The following ERCC6L2 variants were observed in gnomAD, a reference collection of about 807,000 sequenced individuals.
ERCC6L2 encodes ERCC excision repair 6 like 2, also known as DNA excision repair protein ERCC-6-like 2.
A neutral mutation model predicts 132.0 loss-of-function variants in ERCC6L2; 77 were observed. That is an observed-to-expected ratio of 0.58 (90% confidence interval 0.49 to 0.71). ERCC6L2 has a LOEUF of 0.71. ERCC6L2 is among the 30% of genes least tolerant of loss of function. The pLI is 0.00. For missense variants in ERCC6L2, 1,542 were observed against 1,837.6 expected (o/e 0.84, Z 2.94); for synonymous variants, 583 against 632.4 (o/e 0.92, Z 1.17).
intron 4 of ERCC6L2, among the ~76,000 whole-genome samples, chr9:95,910,248 T>C (rs1468017048): frequency 1.1e-4 from 17 of 152,216 alleles, no homozygotes; most frequent in Admixed American, 1.1e-3. Context: ...ATTTTGAAGC[T>C]CTTTTATGAG....
intron 12 of ERCC6L2, among the ~76,000 whole-genome samples, chr9:95,950,352 A>T (rs1278458324): frequency 1.3e-5 from 2 of 152,192 alleles, no homozygotes; most frequent in Non-Finnish European, 2.9e-5. Context: ...TGTAAAAGGA[A>T]ATGAGAAAGG....
At chr9:95,898,781 A>G (rs573598622) in intron 3 of ERCC6L2, among the ~76,000 whole-genome samples, 75 of 152,184 alleles carry the variant, frequency 4.9e-4, no homozygotes, top group Non-Finnish European at 9.6e-4. Context: ...TCTTATGTAC[A>G]AGATTGCTGA....
At chr9:95,907,857 C>CACACCCACA in intron 4 of ERCC6L2, among the ~76,000 whole-genome samples, 7 of 133,816 alleles carry the variant, frequency 5.2e-5, no homozygotes, top group African/African-American at 2.0e-4. Context: ...ACACACACAC[C>CACACCCACA]CCCACACCCA....
chr9:95,969,431 C>T (rs1257143860), intron 14 of ERCC6L2, among the ~76,000 whole-genome samples: 1 of 152,082 alleles, frequency 6.6e-6, no homozygotes, highest in East Asian at 1.9e-4. Context: ...TGAGAAGTGG[C>T]TGGATGCTGT....
chr9:95,893,596 G>C (rs928933093), intron 2 of ERCC6L2, among the ~76,000 whole-genome samples: 3 of 152,088 alleles, frequency 2.0e-5, no homozygotes, highest in South Asian at 4.1e-4. Context: ...TTTCTTTGTG[G>C]AAGGTTTATA....
At chr9:95,879,197 C>A (rs942175196) in intron 1 of ERCC6L2, among the ~76,000 whole-genome samples, 2 of 152,086 alleles carry the variant, frequency 1.3e-5, no homozygotes, top group Non-Finnish European at 2.9e-5. Context: ...GATTGCCATT[C>A]TAACTGGTGT....
At chr9:95,921,599 TC>T (rs1829871160) in intron 7 of ERCC6L2, among the ~76,000 whole-genome samples, 2 of 152,246 alleles carry the variant, frequency 1.3e-5, no homozygotes, top group South Asian at 4.1e-4. Context: ...TTTTGAAATT[TC>T]ATTTCATTTT....
intron 18 of ERCC6L2, among the ~76,000 whole-genome samples, chr9:96,006,356 A>T (rs1204448874): frequency 1.3e-5 from 2 of 152,238 alleles, no homozygotes; most frequent in African/African-American, 4.8e-5. Context: ...TGAGAACCAG[A>T]AGCAGATGAG....
intron 17 of ERCC6L2, among the ~76,000 whole-genome samples, chr9:95,992,057 A>G (rs1283891259): frequency 6.6e-6 from 1 of 152,214 alleles, no homozygotes; most frequent in African/African-American, 2.4e-5. Context: ...AACCAAAACA[A>G]TGTGTCACAA....
intron 12 of ERCC6L2, among the ~76,000 whole-genome samples, chr9:95,952,907 A>T (rs1169332943): frequency 1.3e-5 from 2 of 152,140 alleles, no homozygotes; most frequent in Non-Finnish European, 2.9e-5. Context: ...CTAACATCGT[A>T]CTCAGTGGTG....
chr9:96,021,811 TG>T (rs1364360516), downstream of ERCC6L2: 1 of 152,454 alleles, frequency 6.6e-6, no homozygotes, highest in African/African-American at 2.4e-5. This position sits in a 1 kb window ranked among gnomAD's most constrained non-coding sequence, Gnocchi z 4.7. Flanking sequence ...TCGGCGGGAC[TG>T]GGGCTCGGAC....
chr9:96,020,752 C>A (rs1278562249), downstream of ERCC6L2: 2 of 456,722 alleles, frequency 4.4e-6, no homozygotes, highest in Admixed American at 4.7e-5. Context: ...AAGGCCACTT[C>A]CAAACTGTGG....
At chr9:95,960,381 A>T (rs1168597823) in intron 13 of ERCC6L2, among the ~76,000 whole-genome samples, 1 of 152,192 alleles carries the variant, frequency 6.6e-6, no homozygotes, top group Non-Finnish European at 1.5e-5. Flanking sequence ...ATCCCTGGAA[A>T]TTGTAAATGG....
At chr9:95,970,518 G>T in intron 14 of ERCC6L2, 58 bp from the exon 15 acceptor site, 2 of 1,055,314 alleles carry the variant, frequency 1.9e-6, no homozygotes, top group South Asian at 1.6e-5. Context: ...TGTTTATCTG[G>T]TTGTTGCTAC....
At chr9:95,995,603 T>C (rs1833444529) in intron 17 of ERCC6L2, among the ~76,000 whole-genome samples, 1 of 152,216 alleles carries the variant, frequency 6.6e-6, no homozygotes, top group Non-Finnish European at 1.5e-5. Context: ...ATGCCTTTTT[T>C]ACAAATTGAA....
At chr9:95,993,224 A>G (rs1321313731) in intron 17 of ERCC6L2, among the ~76,000 whole-genome samples, 1 of 152,172 alleles carries the variant, frequency 6.6e-6, no homozygotes, top group African/African-American at 2.4e-5. Context: ...GGAAAGAGTA[A>G]GTGGCAAAGT....
chr9:95,987,235 A>C (rs922276858), intron 17 of ERCC6L2, among the ~76,000 whole-genome samples: 1 of 152,190 alleles, frequency 6.6e-6, no homozygotes, highest in South Asian at 2.1e-4. Context: ...AAAACCAGTC[A>C]TGCCTTCCCA....
chr9:95,966,979 C>T (rs2133054921), intron 14 of ERCC6L2: 2 of 261,336 alleles, frequency 7.7e-6, no homozygotes, highest in Non-Finnish European at 1.4e-5. Context: ...TTTAAATAGG[C>T]AGAGAGAAGT....
intron 6 of ERCC6L2, among the ~76,000 whole-genome samples, chr9:95,920,094 C>T (rs746050771): frequency 9.2e-5 from 14 of 152,222 alleles, no homozygotes; most frequent in Non-Finnish European, 1.8e-4. Context: ...GGAAGAAGGA[C>T]TGGCACCATA....
Sources: allele counts gnomAD v4.1 joint callset (sites outside exome capture counted in the v4.1 genomes callset), GRCh38; gene constraint gnomAD v4.1.1; non-coding constraint Gnocchi (gnomAD v3.1); transcripts MANE v1.5; gene names NCBI Gene and HGNC (gene_info 2026-07-23, HGNC 2026-07-21).